SLC26A4: variants seen among roughly 807,000 people sequenced by gnomAD.
The protein encoded by SLC26A4 is pendrin.
SLC26A4 carries 93 observed loss-of-function variants against 90.4 expected under a neutral mutation model. The observed-to-expected ratio is 1.03, with a 90% CI of 0.87 to 1.22. The LOEUF (loss-of-function observed/expected upper bound fraction) is 1.22. Ranked by LOEUF, SLC26A4 falls within the 50% of genes most tolerant of loss-of-function variation. The pLI is 0.00. For synonymous variants in SLC26A4, 393 were observed against 354.6 expected, an observed-to-expected ratio of 1.11 and a Z score of -1.22; for missense variants, 1,127 against 946.2, an observed-to-expected ratio of 1.19 and a Z score of -2.51.
chr7:107,673,091 G>T (rs1429144935), intron 4 of SLC26A4, among the ~76,000 whole-genome samples: 1 of 152,172 alleles, frequency 6.6e-6, no homozygotes, highest in Non-Finnish European at 1.5e-5. Flanking sequence ...GAATCAATCA[G>T]TGTTGAGTGC....
chr7:107,705,777 G>T (rs1359718606), intron 18 of SLC26A4, among the ~76,000 whole-genome samples: 1 of 152,228 alleles, frequency 6.6e-6, no homozygotes, highest in African/African-American at 2.4e-5. Context: ...TCTTATGATA[G>T]GGAGTCTTGT....
intron 3 of SLC26A4, among the ~76,000 whole-genome samples, chr7:107,666,615 C>T (rs1040918516): frequency 1.3e-5 from 2 of 152,038 alleles, no homozygotes; most frequent in African/African-American, 4.8e-5. Flanking sequence ...AAGGAGACAG[C>T]CATGTGATAA....
intron 3 of SLC26A4, among the ~76,000 whole-genome samples, chr7:107,665,283 T>A (rs2129309649): frequency 6.6e-6 from 1 of 152,328 alleles, no homozygotes; most frequent in African/African-American, 2.4e-5. Context: ...ATTGCTCAGA[T>A]CAGGCCAGGT....
In SLC26A4 at chr7:107,683,345, A is replaced by G. The variant is rs767098527; in HGVS notation, c.909A>G (p.Glu303=). 2.5e-6 allele frequency: 4 copies of G among 1,613,682 alleles called. No homozygotes were observed. The highest frequency in any genetic ancestry group is 2.2e-5 in the South Asian group (2 of 91,084). Residue 303 remains glutamate (E), a synonymous_variant, in exon 7 of 21, where the codon GAA becomes GAG. Transcript: ENST00000644269. ...AAATCCCAGTCCCTATTCCTATAGA[A>G]GTAATTGTGGTAAGTAGAATATGTA... The part of the protein sequence containing the change: ...RHKIPVPIPI[E]VIVTIIATAI...
At position 107,716,951 on chromosome 7, in the gene SLC26A4, T is replaced by C. The variant is rs2129321252; in HGVS notation, c.*1505T>C. 6.6e-6 allele frequency: 1 copy of C among 152,308 alleles called. No homozygotes were observed. Among genetic ancestry groups the C allele is most frequent in the Admixed American group, 6.5e-5 (1 of 15,304 alleles). 9.4% of individuals were successfully genotyped at this position (152,308 alleles called of 1,614,324 possible). ...AGAATAGGATTAATGATCATACAAA[T>C]GGGTTAATCCTGAATTCTGGTTGTA... On this transcript the variant is annotated 3_prime_UTR_variant, in exon 21 of 21. Transcript: ENST00000644269.
intron 6 of SLC26A4, among the ~76,000 whole-genome samples, 170 bp from the exon 7 acceptor site, chr7:107,683,032 A>G (rs1475818796): frequency 6.6e-6 from 1 of 152,186 alleles, no homozygotes; most frequent in Non-Finnish European, 1.5e-5. Context: ...CTCTGTATCA[A>G]CCAACACATT....
intron 10 of SLC26A4, chr7:107,693,739 G>A (rs1167071716): frequency 1.4e-5 from 14 of 991,676 alleles, no homozygotes; most frequent in East Asian, 1.1e-4. Flanking sequence ...CTATTGCCCC[G>A]TTACTCCATA....
intron 19 of SLC26A4, among the ~76,000 whole-genome samples, chr7:107,711,936 C>G (rs543140369): frequency 6.6e-6 from 1 of 152,264 alleles, no homozygotes; most frequent in East Asian, 1.9e-4. Context: ...TTATTTTAGC[C>G]TGGATATATA....
intron 17 of SLC26A4, among the ~76,000 whole-genome samples, chr7:107,703,317 C>G (rs2712208): frequency 0.19 from 29,568 of 152,082 alleles, 3,635 homozygotes; most frequent in South Asian, 0.42. Context: ...TAATATAAAG[C>G]TGACTCCTAA....
At chr7:107,711,002 A>AGAT (rs1210452860) in intron 19 of SLC26A4, among the ~76,000 whole-genome samples, 3 of 152,226 alleles carry the variant, frequency 2.0e-5, no homozygotes, top group African/African-American at 7.2e-5. Flanking sequence ...TCCTTATTGT[A>AGAT]GATTGGCAGT....
chr7:107,676,798 C>T (rs114975592), intron 6 of SLC26A4, among the ~76,000 whole-genome samples: 2,250 of 152,278 alleles, frequency 0.015, 53 homozygotes, highest in African/African-American at 0.05. Context: ...ATCCATTCAA[C>T]AAATATTACC....
At chr7:107,714,801 G>A (rs968845018) in intron 20 of SLC26A4, among the ~76,000 whole-genome samples, 1 of 152,128 alleles carries the variant, frequency 6.6e-6, no homozygotes, top group African/African-American at 2.4e-5. Context: ...GTATCTTCAT[G>A]TAAAGTAGTA....
rs1554352718 is a variant in SLC26A4 at position 107,663,390 on chromosome 7, G to T, written c.259G>T (p.Asp87Tyr). ...CCGAGTCAAGGAATGGCTGCTTAGTGACGTCATTTCGGGAGTTAGTACTGG... is the reference window on the plus strand; with the variant it reads ...CCGAGTCAAGGAATGGCTGCTTAGTTACGTCATTTCGGGAGTTAGTACTGG... ...KYRVKEWLLS[D>Y]VISGVSTGLV... is the part of the protein sequence containing the mutation. Residue 87 changes from aspartate (D) to tyrosine (Y), a missense_variant, in exon 3 of 21, where the codon GAC (aspartate) becomes TAC (tyrosine). Asp to Tyr is a radical substitution (Grantham distance 160, BLOSUM62 -3). Coordinates refer to ENST00000644269, the MANE Select transcript of SLC26A4 (RefSeq NM_000441.2). 1 of 1,614,036 alleles carries T rather than the reference G, an allele frequency of 6.2e-7. No individual in the cohort carries two copies. Among genetic ancestry groups the T allele is most frequent in the Admixed American group, 1.7e-5 (1 of 60,002 alleles).
intron 6 of SLC26A4, among the ~76,000 whole-genome samples, chr7:107,675,817 C>G (rs1791010036): frequency 6.6e-6 from 1 of 151,854 alleles, no homozygotes; most frequent in Non-Finnish European, 1.5e-5. Flanking sequence ...TGTGATCCAC[C>G]CACATCGGCC....
intron 8 of SLC26A4, among the ~76,000 whole-genome samples, chr7:107,684,537 T>C (rs546776576): frequency 6.6e-6 from 1 of 152,356 alleles, no homozygotes; most frequent in South Asian, 2.1e-4. Context: ...TTCCAAACTA[T>C]TTGAAAAAGC....
chr7:107,690,071 G>A, intron 9 of SLC26A4, 53 bp from the exon 10 acceptor site: 1 of 1,010,804 alleles, frequency 9.9e-7, no homozygotes. Context: ...ACTCAGCGAA[G>A]GTCTTGCAAA....
chr7:107,691,199 G>T (rs909060326), intron 10 of SLC26A4, among the ~76,000 whole-genome samples: 1 of 150,486 alleles, frequency 6.6e-6, no homozygotes, highest in Non-Finnish European at 1.5e-5. Flanking sequence ...CTAAGGCGGG[G>T]ACACTTAAAA....
intron 6 of SLC26A4, among the ~76,000 whole-genome samples, chr7:107,679,218 A>G (rs920992010): frequency 6.6e-6 from 1 of 152,010 alleles, no homozygotes; most frequent in Admixed American, 6.6e-5. Context: ...ATTTCCCACC[A>G]CTCAATTTGA....
chr7:107,677,453 T>A (rs1356582094), intron 6 of SLC26A4, among the ~76,000 whole-genome samples: 1 of 152,138 alleles, frequency 6.6e-6, no homozygotes. Flanking sequence ...ATTATTATTA[T>A]TATCACAGAT....
Sources: allele counts gnomAD v4.1 joint callset (sites outside exome capture counted in the v4.1 genomes callset), GRCh38; gene constraint gnomAD v4.1.1; transcripts MANE v1.5; gene names NCBI Gene and HGNC (gene_info 2026-07-23, HGNC 2026-07-21).